Variants in KIF26B observed in about 807,000 individuals in gnomAD.
KIF26B encodes kinesin family member 26B.
Under a neutral mutation model 151.2 loss-of-function variants are expected in KIF26B, and 63 were observed. The observed-to-expected ratio is 0.42, with a 90% CI of 0.34 to 0.51. KIF26B has a LOEUF of 0.51. Ranked by LOEUF, KIF26B falls within the 20% of genes least tolerant of loss-of-function variation. KIF26B has a pLI of 0.07. For synonymous variants in KIF26B, 1,357 were observed against 1,262.1 expected (o/e 1.08, Z -1.59); for missense variants, 2,813 against 2,913.6 (o/e 0.97, Z 0.79).
intron 2 of KIF26B, among the ~76,000 whole-genome samples, chr1:245,246,952 CACACACACACAGACACAG>C (rs1356378974): frequency 6.6e-6 from 1 of 151,282 alleles, no homozygotes; most frequent in East Asian, 1.9e-4. Context: ...TACAGACACA[CACACACACACAGACACAG>C]ACACACACAC....
At chr1:245,508,475 C>T (rs191188616) in intron 4 of KIF26B, among the ~76,000 whole-genome samples, 2 of 152,198 alleles carry the variant, frequency 1.3e-5, no homozygotes, top group East Asian at 1.9e-4. Context: ...CTCCTTACCT[C>T]GTGATCCTCC....
intron 5 of KIF26B, among the ~76,000 whole-genome samples, chr1:245,579,626 A>G (rs2043155035): frequency 6.6e-6 from 1 of 152,050 alleles, no homozygotes; most frequent in Non-Finnish European, 1.5e-5. Flanking sequence ...CCTAACCAAC[A>G]TGGAGAAACC....
At chr1:245,257,193 C>T (rs553236060) in intron 2 of KIF26B, among the ~76,000 whole-genome samples, 88 of 152,304 alleles carry the variant, frequency 5.8e-4, no homozygotes, top group African/African-American at 1.6e-3. Context: ...CAGGAACCCC[C>T]TCAGCAATCC....
intron 3 of KIF26B, chr1:245,370,623 G>A (rs1262429908): frequency 1.1e-5 from 5 of 456,556 alleles, no homozygotes; most frequent in African/African-American, 4.0e-5. Context: ...TAGAAGACTC[G>A]GCGGCTGCGC....
At chr1:245,294,490 G>T (rs1389657580) in intron 2 of KIF26B, among the ~76,000 whole-genome samples, 1 of 152,126 alleles carries the variant, frequency 6.6e-6, no homozygotes, top group Non-Finnish European at 1.5e-5. Flanking sequence ...AGGAGTCAAA[G>T]TTAACAAGAC....
chr1:245,371,691 A>G (rs1216972699), intron 3 of KIF26B: 1 of 152,192 alleles, frequency 6.6e-6, no homozygotes, highest in African/African-American at 2.4e-5. Context: ...ACCACTGTGT[A>G]ATAATCTCCA....
At chr1:245,160,914 G>A (rs1668520593) in intron 2 of KIF26B, among the ~76,000 whole-genome samples, 1 of 152,168 alleles carries the variant, frequency 6.6e-6, no homozygotes, top group Admixed American at 6.5e-5. Flanking sequence ...TATTTTGCCA[G>A]CTCCAAAAGA....
intron 10 of KIF26B, among the ~76,000 whole-genome samples, chr1:245,678,486 T>C (rs1441901387): frequency 1.3e-5 from 2 of 152,170 alleles, no homozygotes; most frequent in African/African-American, 4.8e-5. Context: ...ATATTAGTTG[T>C]TGTTATCTTG....
intron 2 of KIF26B, among the ~76,000 whole-genome samples, chr1:245,324,981 C>G (rs1322655457): frequency 6.6e-6 from 1 of 151,326 alleles, no homozygotes; most frequent in African/African-American, 2.4e-5. Flanking sequence ...TGTAATCCCA[C>G]CTACTCAGGA....
chr1:245,557,478 G>A (rs982313669), intron 5 of KIF26B, among the ~76,000 whole-genome samples: 12 of 152,170 alleles, frequency 7.9e-5, no homozygotes, highest in Non-Finnish European at 1.5e-4. Context: ...ACAGGAAAAC[G>A]AATCATACTT....
chr1:245,698,252 G>A lies in KIF26B; in HGVS notation c.5971G>A (p.Val1991Ile), dbSNP rs539702407. The A allele has an allele frequency of 3.5e-5, 56 of 1,613,868 alleles. No individual in the cohort carries two copies. In the South Asian group the frequency reaches 6.1e-4, roughly 18 times the overall value. ...RGLGEPFEIK[V>I]YEIDDVERLQ... is the part of the protein sequence containing the mutation. ...CCTTGGGGAACCCTTTGAGATTAAA[G>A]TCTATGAAATCGATGACGTGGAGCG... The change falls in exon 13 of 15, where the codon GTC becomes ATC. Residue 1991 changes from valine to isoleucine, a missense_variant. Val to Ile is a conservative substitution (Grantham distance 29). This residue lies in a region of KIF26B where 2,060 missense variants were observed against 2,088.6 expected (regional missense o/e 0.99). Coordinates refer to ENST00000407071, the MANE Select transcript of KIF26B (RefSeq NM_018012.4). The surrounding 1 kb of genome is among the most constrained non-coding windows in gnomAD (Gnocchi z 4.0).
chr1:245,684,684 C>T (rs1330499599), intron 11 of KIF26B, among the ~76,000 whole-genome samples: 4 of 152,306 alleles, frequency 2.6e-5, no homozygotes, highest in East Asian at 1.9e-4. Flanking sequence ...ATTGCTACCT[C>T]AAGAGGAAAA....
At chr1:245,573,581 G>C (rs2043086345) in intron 5 of KIF26B, among the ~76,000 whole-genome samples, 1 of 152,016 alleles carries the variant, frequency 6.6e-6, no homozygotes, top group African/African-American at 2.4e-5. Flanking sequence ...TCTGAAGTCA[G>C]TTCCTTGTGG....
intron 2 of KIF26B, among the ~76,000 whole-genome samples, chr1:245,188,324 A>G (rs958053696): frequency 6.7e-6 from 1 of 150,252 alleles, no homozygotes; most frequent in Admixed American, 6.6e-5. Flanking sequence ...AAGACACAGT[A>G]GAACAGGGGT....
intron 9 of KIF26B, among the ~76,000 whole-genome samples, chr1:245,617,921 G>A (rs1034159000): frequency 6.6e-6 from 1 of 151,954 alleles, no homozygotes; most frequent in Non-Finnish European, 1.5e-5. Flanking sequence ...CTTCCCACAG[G>A]CCTGCTGCTC....
chr1:245,286,844 A>C lies in KIF26B; in HGVS notation c.466-79990A>C, dbSNP rs564968654. Among the ~76,000 whole-genome samples, 305 of 152,334 alleles carry C rather than the reference A, an allele frequency of 2.0e-3. 2 individuals are homozygous for C. The highest frequency in any genetic ancestry group is 7.0e-3 in the African/African-American group (290 of 41,580). On this transcript the variant is annotated intron_variant, in intron 2 of 14. Transcript: ENST00000407071. ...AAATTTTGGCTGGGTGCGGTGGCTC[A>C]CGCCTGTAATCCCAACACTTTGGGA...
Position 245,686,995 on chromosome 1 carries a change from GACA to G in KIF26B, c.4015_4017del (p.Asn1339del). The G allele has an allele frequency of 1.2e-6, 2 of 1,613,490 alleles. No homozygotes were observed. On this transcript the variant is annotated inframe_deletion, in exon 12 of 15. Transcript: ENST00000407071. This position sits in a 1 kb window ranked among gnomAD's most constrained non-coding sequence, Gnocchi z 5.6. Reference sequence around the variant, plus strand: ...CAGAGAGAAGCCCAAGGCCAGCCCCGACAACTTGCTCATCCTGTCTGAGATGGG... The same window carrying G: ...CAGAGAGAAGCCCAAGGCCAGCCCCGACTTGCTCATCCTGTCTGAGATGGG...
chr1:245,661,385 G>T (rs1340971997), intron 10 of KIF26B, among the ~76,000 whole-genome samples: 1 of 152,010 alleles, frequency 6.6e-6, no homozygotes, highest in African/African-American at 2.4e-5. Flanking sequence ...TTTAAGCCTT[G>T]CAAAGGCAGG....
At chr1:245,691,173 T>A (rs1157237705) in intron 12 of KIF26B, among the ~76,000 whole-genome samples, 1 of 152,212 alleles carries the variant, frequency 6.6e-6, no homozygotes, top group Non-Finnish European at 1.5e-5. Flanking sequence ...CCCCAAGACT[T>A]TTATTGTTTG....
Sources: gnomAD v4.1 joint callset for allele counts (sites outside exome capture counted in the v4.1 genomes callset) on GRCh38, gnomAD v4.1.1 for gene constraint, gnomAD v4.1.1 regional missense constraint, Gnocchi (gnomAD v3.1) non-coding constraint, MANE v1.5 for transcripts, NCBI Gene and HGNC (gene_info 2026-07-23, HGNC 2026-07-21) for gene names.